FAM227B: variants seen among roughly 807,000 people sequenced by gnomAD.
The protein encoded by FAM227B is protein FAM227B.
A neutral mutation model predicts 73.8 loss-of-function variants in FAM227B; 88 were observed. The observed-to-expected ratio is 1.19, with a 90% CI of 1.00 to 1.42. The LOEUF is 1.42. FAM227B is among the 40% of genes most tolerant of loss of function. The pLI, the probability that FAM227B is intolerant of heterozygous loss-of-function variation, is 0.00. For synonymous variants in FAM227B, 210 were observed against 190.5 expected (o/e 1.10, Z -0.84); for missense variants, 632 against 590.9 (o/e 1.07, Z -0.72).
chr15:49,484,172 T>A, intron 11 of FAM227B: 1 of 594,336 alleles, frequency 1.7e-6, no homozygotes, highest in Non-Finnish European at 2.9e-6. Flanking sequence ...ATAAACCACA[T>A]TAGGCCTGCT....
chr15:49,489,865 TATATATATATATATATATAGAG>T lies in FAM227B; in HGVS notation c.1012+18324_1012+18345del, dbSNP rs1567383033. ...TTTATATATATATATATATTTTATATATATATATATATATATATAGAGAGAGAGAGAGAGAGAGAGAGAGAGA... is the reference window on the plus strand; with the variant it reads ...TTTATATATATATATATATTTTATATAGAGAGAGAGAGAGAGAGAGAGAGA... On this transcript the variant is annotated intron_variant, in intron 11 of 15. Coordinates refer to ENST00000299338, the MANE Select transcript of FAM227B (RefSeq NM_152647.3). 3.1e-3 allele frequency among the ~76,000 whole-genome samples: 33 copies of T among 10,504 alleles called. 1 individual carries two copies. The highest frequency in any genetic ancestry group is 5.6e-3 in the Non-Finnish European group (28 of 5,036). 6.9% of individuals were successfully genotyped at this position (10,504 alleles called of 152,430 possible).
chr15:49,395,909 T>C (rs904719927), intron 11 of FAM227B: 1 of 455,604 alleles, frequency 2.2e-6, no homozygotes. Context: ...TTCCAGGTTC[T>C]TAATTTAAGG....
At chr15:49,421,438 A>G (rs2049617788) in intron 11 of FAM227B, among the ~76,000 whole-genome samples, 1 of 152,254 alleles carries the variant, frequency 6.6e-6, no homozygotes, top group Non-Finnish European at 1.5e-5. Flanking sequence ...ACAGAGTGTA[A>G]TAGCATCTAA....
At chr15:49,412,326 C>T (rs1406823154) in intron 11 of FAM227B, among the ~76,000 whole-genome samples, 2 of 151,992 alleles carry the variant, frequency 1.3e-5, no homozygotes, top group African/African-American at 2.4e-5. Context: ...TTGTGCAATA[C>T]AGGGTGGTGT....
At chr15:49,464,123 A>G (rs1043616090) in intron 11 of FAM227B, among the ~76,000 whole-genome samples, 2 of 152,128 alleles carry the variant, frequency 1.3e-5, no homozygotes, top group Admixed American at 1.3e-4. Flanking sequence ...AAGCCTCATG[A>G]AGGATGGGTT....
At chr15:49,589,231 AC>A (rs1320801779) in intron 4 of FAM227B, among the ~76,000 whole-genome samples, 2 of 152,032 alleles carry the variant, frequency 1.3e-5, no homozygotes, top group African/African-American at 2.4e-5. Context: ...GTTAACTATC[AC>A]CCCTTTTACT....
chr15:49,418,499 C>T lies in FAM227B; in HGVS notation c.1013-47100G>A, dbSNP rs571326918. On this transcript the variant is annotated intron_variant, in intron 11 of 15. Transcript: ENST00000299338. ...GCAGCCATCATGTCCTTTGCAGGAACGTGGATGGAGCTGGAGGCCATTATC... is the reference window on the plus strand; with the variant it reads ...GCAGCCATCATGTCCTTTGCAGGAATGTGGATGGAGCTGGAGGCCATTATC... 9.4e-4 allele frequency among the ~76,000 whole-genome samples: 143 copies of T among 152,214 alleles called. 5 individuals carry two copies. The South Asian group carries it at 0.027, about 29-fold the overall frequency.
chr15:49,461,780 C>T (rs1006096861), intron 11 of FAM227B, among the ~76,000 whole-genome samples: 1 of 152,114 alleles, frequency 6.6e-6, no homozygotes, highest in Admixed American at 6.6e-5. Context: ...TTTTCTTATG[C>T]TAATTATGGT....
At chr15:49,401,199 C>CAGACACTTCTCAAAAGA (rs1416934703) in intron 11 of FAM227B, among the ~76,000 whole-genome samples, 2 of 152,216 alleles carry the variant, frequency 1.3e-5, no homozygotes, top group East Asian at 3.9e-4. Context: ...AGGACATGAA[C>CAGACACTTCTCAAAAGA]AGACACTTCT....
chr15:49,507,946 A>G (rs2152113334), intron 11 of FAM227B, among the ~76,000 whole-genome samples: 1 of 152,278 alleles, frequency 6.6e-6, no homozygotes, highest in East Asian at 1.9e-4. Flanking sequence ...AATACATATT[A>G]ACCAGTTAGC....
chr15:49,344,414 C>A (rs548959612), intron 13 of FAM227B, among the ~76,000 whole-genome samples: 1 of 152,082 alleles, frequency 6.6e-6, no homozygotes, highest in Non-Finnish European at 1.5e-5. Flanking sequence ...AATGTACATA[C>A]CTAAGGTGCT....
intron 8 of FAM227B, 132 bp from the exon 9 acceptor site, chr15:49,568,478 T>A: frequency 1.4e-6 from 1 of 690,330 alleles, no homozygotes; most frequent in Non-Finnish European, 2.4e-6. Context: ...GGTTTTCGCA[T>A]AATGCAGACC....
intron 13 of FAM227B, among the ~76,000 whole-genome samples, chr15:49,355,233 G>A (rs965293436): frequency 6.6e-6 from 1 of 152,236 alleles, no homozygotes; most frequent in Non-Finnish European, 1.5e-5. Flanking sequence ...GAACAAAGCT[G>A]GATGGAGAAT....
intron 11 of FAM227B, among the ~76,000 whole-genome samples, chr15:49,466,812 T>A (rs1357339566): frequency 1.3e-5 from 2 of 152,212 alleles, no homozygotes; most frequent in African/African-American, 4.8e-5. Context: ...TTAATTATCT[T>A]TTTAAGTAAA....
chr15:49,570,188 T>A (rs2074989300), intron 8 of FAM227B, among the ~76,000 whole-genome samples: 1 of 152,032 alleles, frequency 6.6e-6, no homozygotes, highest in Admixed American at 6.6e-5. Context: ...GTTCTATTTT[T>A]AGTTTTTGAG....
chr15:49,596,566 A>G (rs2076896278), intron 3 of FAM227B, among the ~76,000 whole-genome samples: 2 of 151,994 alleles, frequency 1.3e-5, no homozygotes, highest in Non-Finnish European at 2.9e-5. Flanking sequence ...AACACAAAGA[A>G]AAAAAACCAT....
At chr15:49,417,259 G>T (rs1258700875) in intron 11 of FAM227B, among the ~76,000 whole-genome samples, 2 of 152,072 alleles carry the variant, frequency 1.3e-5, no homozygotes. Flanking sequence ...CTGGTATGGT[G>T]ATGCATGCCT....
At chr15:49,536,673 T>C (rs752118950) in intron 10 of FAM227B, among the ~76,000 whole-genome samples, 5 of 151,936 alleles carry the variant, frequency 3.3e-5, no homozygotes, top group Admixed American at 6.6e-5. Flanking sequence ...TAAAAAGCTA[T>C]AGAAATAATA....
intron 13 of FAM227B, among the ~76,000 whole-genome samples, chr15:49,367,106 T>C (rs2045345473): frequency 6.6e-6 from 1 of 152,224 alleles, no homozygotes; most frequent in South Asian, 2.1e-4. Flanking sequence ...TGGAGAAGGC[T>C]AGAAGCCCAT....
Sources: allele counts gnomAD v4.1 joint callset (sites outside exome capture counted in the v4.1 genomes callset), GRCh38; gene constraint gnomAD v4.1.1; transcripts MANE v1.5; gene names NCBI Gene and HGNC (gene_info 2026-07-23, HGNC 2026-07-21).